Variants in CCNJL observed in about 807,000 individuals in gnomAD.
CCNJL encodes the protein cyclin-J-like protein.
CCNJL carries 33 observed loss-of-function variants against 33.4 expected under a neutral mutation model. The ratio of observed to expected loss-of-function variants is 0.99; its 90% CI spans 0.75 to 1.32. CCNJL has a LOEUF of 1.32. CCNJL is among the 40% of genes most tolerant of loss of function. The pLI is 0.00. For missense variants in CCNJL, 512 were observed against 499.7 expected (o/e 1.02, Z -0.23); for synonymous variants, 227 against 220.9 (o/e 1.03, Z -0.24).
At chr5:160,281,742 C>T (rs1168861308) in intron 2 of CCNJL, among the ~76,000 whole-genome samples, 1 of 152,174 alleles carries the variant, frequency 6.6e-6, no homozygotes, top group African/African-American at 2.4e-5. Context: ...CCTTGAACTT[C>T]TGGGCTCAAG....
At position 160,251,198 on chromosome 5, in the gene CCNJL, T is replaced by C. The variant is rs1024502135; in HGVS notation, c.*2180A>G. ...CGTAAGAGCAAAGATTGAGGTTTCC[T>C]GGAGAATAAATTTTGCCTCACGACT... On this transcript the variant is annotated 3_prime_UTR_variant, in exon 6 of 6. Coordinates refer to ENST00000257536, the MANE Select transcript of CCNJL (RefSeq NM_001308173.3). 6.6e-6 allele frequency: 1 copy of C among 152,362 alleles called. No individual in the cohort carries two copies. Among genetic ancestry groups the C allele is most frequent in the Middle Eastern group, 3.4e-3 (1 of 294 alleles). The allele number at this position is 152,362 out of a possible 1,614,324, so 9.4% of individuals were successfully genotyped here. A position where few individuals can be genotyped will look rare whatever the true frequency, so the allele number is the denominator to read the frequency against.
At chr5:160,304,697 A>C (rs537399588) in intron 2 of CCNJL, among the ~76,000 whole-genome samples, 1 of 152,050 alleles carries the variant, frequency 6.6e-6, no homozygotes, top group South Asian at 2.1e-4. Context: ...ATTTGGGGGG[A>C]ACTTTCCCTT....
intron 1 of CCNJL, among the ~76,000 whole-genome samples, chr5:160,324,464 T>G (rs779570496): frequency 1.3e-5 from 2 of 152,118 alleles, no homozygotes; most frequent in Non-Finnish European, 2.9e-5. Flanking sequence ...TCCCAGCTAC[T>G]CATGAGGCTG....
intron 1 of CCNJL, among the ~76,000 whole-genome samples, chr5:160,325,738 A>G (rs933961903): frequency 6.6e-6 from 1 of 152,200 alleles, no homozygotes; most frequent in Admixed American, 6.5e-5. Context: ...TTTTTAACAT[A>G]AAAATCCTGA....
At chr5:160,297,921 A>G (rs1444035400) in intron 2 of CCNJL, among the ~76,000 whole-genome samples, 1 of 152,106 alleles carries the variant, frequency 6.6e-6, no homozygotes, top group Non-Finnish European at 1.5e-5. Flanking sequence ...TTGCTCCACC[A>G]ACCCCCGCCT....
intron 1 of CCNJL, among the ~76,000 whole-genome samples, chr5:160,323,038 G>C (rs1298922410): frequency 6.6e-6 from 1 of 152,012 alleles, no homozygotes; most frequent in African/African-American, 2.4e-5. Context: ...CTTGAGACCA[G>C]CCTGGCCAAT....
At chr5:160,291,058 AAAAG>A (rs1468004795) in intron 2 of CCNJL, among the ~76,000 whole-genome samples, 110 of 149,166 alleles carry the variant, frequency 7.4e-4, no homozygotes, top group East Asian at 3.7e-3. Flanking sequence ...AAAAAAAAAA[AAAAG>A]AAAGAAAGAG....
chr5:160,288,810 G>A (rs1273304807), intron 2 of CCNJL, among the ~76,000 whole-genome samples: 8 of 138,342 alleles, frequency 5.8e-5, no homozygotes, highest in Admixed American at 1.6e-4. Context: ...CAGCCTGGGC[G>A]ACAGAGCGAG....
At chr5:160,315,474 T>C, upstream of CCNJL, 1 of 442,672 alleles carries the variant, frequency 2.3e-6, no homozygotes, top group Non-Finnish European at 4.6e-6. Context: ...GCCACTGCAC[T>C]CCAGCCTGGG....
chr5:160,282,992 T>TATATAC (rs1762281803), intron 2 of CCNJL, among the ~76,000 whole-genome samples: 1 of 60,270 alleles, frequency 1.7e-5, no homozygotes, highest in Non-Finnish European at 3.0e-5. Flanking sequence ...TATATATATA[T>TATATAC]ATATATATAT....
chr5:160,269,915 G>A (rs1279492362), intron 3 of CCNJL, among the ~76,000 whole-genome samples: 2 of 152,144 alleles, frequency 1.3e-5, no homozygotes, highest in Non-Finnish European at 1.5e-5. Flanking sequence ...ACTGGGCCTC[G>A]GATTCTTCCT....
At chr5:160,337,598 C>T (rs1763698660) in intron 1 of CCNJL, among the ~76,000 whole-genome samples, 1 of 152,120 alleles carries the variant, frequency 6.6e-6, no homozygotes, top group African/African-American at 2.4e-5. Flanking sequence ...ACCATGTTGA[C>T]TCCCACCTTA....
chr5:160,318,320 T>A (rs891415409), intron 1 of CCNJL, among the ~76,000 whole-genome samples: 10 of 152,334 alleles, frequency 6.6e-5, no homozygotes, highest in African/African-American at 2.4e-4. Context: ...CCGGGCCATG[T>A]CTTCTTACAA....
intron 2 of CCNJL, chr5:160,280,993 G>C: frequency 1.7e-6 from 1 of 574,600 alleles, no homozygotes; most frequent in East Asian, 3.2e-5. Context: ...CCATGGGAAA[G>C]GTTTGCTATT....
intron 2 of CCNJL, among the ~76,000 whole-genome samples, chr5:160,281,719 C>G (rs1418864299): frequency 2.0e-5 from 3 of 152,194 alleles, no homozygotes; most frequent in Non-Finnish European, 4.4e-5. Flanking sequence ...GGTGCAATCA[C>G]AGCTCACAGA....
rs146691622 is a variant in CCNJL at position 160,269,558 on chromosome 5, A to G, written c.281-9787T>C. The G allele has an allele frequency of 9.6e-4, 430 of 448,796 alleles. 1 individual carries two copies. The highest frequency in any genetic ancestry group is 8.0e-3 in the African/African-American group (400 of 49,794). The allele number at this position is 448,796 out of a possible 1,614,324, so 27.8% of individuals were successfully genotyped here. A position where few individuals can be genotyped will look rare whatever the true frequency, so the allele number is the denominator to read the frequency against. On this transcript the variant is annotated intron_variant, in intron 3 of 5. Transcript: ENST00000257536. ...CTTTGTTCCGACCTATGCGGGGAAC[A>G]GGGAGAAGGAAAAGGAGAGGCCATC...
intron 3 of CCNJL, among the ~76,000 whole-genome samples, chr5:160,265,717 G>A (rs1761552338): frequency 1.3e-5 from 2 of 151,972 alleles, no homozygotes; most frequent in South Asian, 4.2e-4. Flanking sequence ...TCAGCTGGGT[G>A]TGGTGGTGCA....
chr5:160,311,735 G>T (rs1763265726), intron 2 of CCNJL, 123 bp downstream of exon 2: 1 of 859,302 alleles, frequency 1.2e-6, no homozygotes. Context: ...AAGGTAAAGG[G>T]TAAGAGGAAA....
At chr5:160,335,481 G>T (rs949144459) in intron 1 of CCNJL, among the ~76,000 whole-genome samples, 1 of 152,224 alleles carries the variant, frequency 6.6e-6, no homozygotes, top group Non-Finnish European at 1.5e-5. Flanking sequence ...CACCCAAAAT[G>T]CTCTTTCAAG....
Sources: gnomAD v4.1 joint callset for allele counts (sites outside exome capture counted in the v4.1 genomes callset) on GRCh38, gnomAD v4.1.1 for gene constraint, MANE v1.5 for transcripts, NCBI Gene and HGNC (gene_info 2026-07-23, HGNC 2026-07-21) for gene names.